Variants in RNF144A observed in about 807,000 individuals in gnomAD.
RNF144A encodes the protein ring finger protein 144A.
In RNF144A, 11 loss-of-function variants were observed where a neutral mutation model predicts 38.7. The ratio of observed to expected loss-of-function variants is 0.28; its 90% CI spans 0.18 to 0.47. RNF144A has a LOEUF of 0.47. Among genes scored for constraint, RNF144A ranks in the 20% least tolerant of loss-of-function variants. The pLI is 0.99. For missense variants in RNF144A, 316 were observed against 377.2 expected, an observed-to-expected ratio of 0.84 and a Z score of 1.34; for synonymous variants, 149 against 143.9, an observed-to-expected ratio of 1.04 and a Z score of -0.25.
intron 6 of RNF144A, among the ~76,000 whole-genome samples, chr2:7,054,319 T>C (rs1035131114): frequency 7.2e-5 from 11 of 152,198 alleles, no homozygotes; most frequent in African/African-American, 2.7e-4. Context: ...ATTCATATCA[T>C]ACATGCACAC....
chr2:6,981,660 C>T (rs2103363417), intron 2 of RNF144A, among the ~76,000 whole-genome samples: 1 of 152,288 alleles, frequency 6.6e-6, no homozygotes, highest in Middle Eastern at 3.4e-3. Flanking sequence ...AACCATTCAA[C>T]AAGTCTCTAG....
intron 2 of RNF144A, among the ~76,000 whole-genome samples, chr2:6,989,010 C>T (rs1035086913): frequency 2.0e-5 from 3 of 152,198 alleles, no homozygotes; most frequent in Non-Finnish European, 2.9e-5. Flanking sequence ...ACTCCAATGT[C>T]CTGCCCCAGT....
chr2:7,063,426 G>T (rs753704043), intron 6 of RNF144A, among the ~76,000 whole-genome samples: 5 of 152,150 alleles, frequency 3.3e-5, no homozygotes, highest in African/African-American at 4.8e-5. Flanking sequence ...GACAGGTCGA[G>T]CTTGATTTGC....
At chr2:7,062,994 A>T (rs1002449029) in intron 6 of RNF144A, 1 of 152,234 alleles carries the variant, frequency 6.6e-6, no homozygotes, top group African/African-American at 2.4e-5. Flanking sequence ...TGAGGAAAAA[A>T]AATGTTTGAC....
At position 7,039,767 on chromosome 2, in the gene RNF144A, C is replaced by G. The variant is rs368482595; in HGVS notation, c.*7C>G. On this transcript the variant is annotated 3_prime_UTR_variant, in exon 9 of 9. Coordinates refer to ENST00000320892, the MANE Select transcript of RNF144A (RefSeq NM_014746.6). ...CGACCCGTTACCCACCTAGAGGAAGCGCGATGCTGGAACACATCCCTGCCT... is the reference window on the plus strand; with the variant it reads ...CGACCCGTTACCCACCTAGAGGAAGGGCGATGCTGGAACACATCCCTGCCT... The G allele has an allele frequency of 8.7e-6, 14 of 1,612,226 alleles. No homozygotes were observed. Among genetic ancestry groups the G allele is most frequent in the Non-Finnish European group, 1.1e-5 (13 of 1,179,510 alleles).
chr2:7,068,631 C>T (rs1350740185), downstream of RNF144A, among the ~76,000 whole-genome samples: 1 of 152,156 alleles, frequency 6.6e-6, no homozygotes, highest in East Asian at 1.9e-4. Flanking sequence ...GCTGAAGATG[C>T]CAGCCCAAGG....
chr2:6,967,807 A>G (rs117989443), intron 2 of RNF144A, among the ~76,000 whole-genome samples: 7 of 151,048 alleles, frequency 4.6e-5, no homozygotes, highest in Non-Finnish European at 7.4e-5. Flanking sequence ...ACTTCCATAG[A>G]CTCCTTTTTT....
intron 3 of RNF144A, among the ~76,000 whole-genome samples, chr2:7,013,976 G>T (rs534717053): frequency 2.0e-5 from 3 of 152,340 alleles, no homozygotes; most frequent in South Asian, 4.1e-4. Context: ...ATTTGTGTAA[G>T]TTGGCAACTT....
In RNF144A at chr2:7,040,303, C is replaced by T. The variant is rs755440960; in HGVS notation, c.*543C>T. The T allele has an allele frequency of 3.0e-5, 30 of 985,520 alleles. No homozygotes were observed. The highest frequency in any genetic ancestry group is 3.5e-5 in the Non-Finnish European group (29 of 830,038). The allele number at this position is 985,520 out of a possible 1,614,324, so 61.0% of individuals were successfully genotyped here. A position where few individuals can be genotyped will look rare whatever the true frequency, so the allele number is the denominator to read the frequency against. On this transcript the variant is annotated 3_prime_UTR_variant, in exon 9 of 9. Transcript: ENST00000320892. ...ATCAACAAGGTGCATATAAACCATC[C>T]TATGCCTTTCTTGAAATGTGCATTT...
chr2:6,950,239 C>G (rs1666594161), intron 2 of RNF144A, among the ~76,000 whole-genome samples: 1 of 152,188 alleles, frequency 6.6e-6, no homozygotes, highest in Non-Finnish European at 1.5e-5. Flanking sequence ...CTAATCTTTC[C>G]TTGCTATTTT....
chr2:7,059,956 A>C (rs954864568), intron 6 of RNF144A, among the ~76,000 whole-genome samples: 2 of 152,256 alleles, frequency 1.3e-5, no homozygotes, highest in Non-Finnish European at 2.9e-5. Flanking sequence ...AACCCACATA[A>C]GGGCTTGTTT....
intron 8 of RNF144A, among the ~76,000 whole-genome samples, chr2:7,035,264 G>A (rs937687847): frequency 6.6e-6 from 1 of 152,130 alleles, no homozygotes; most frequent in Non-Finnish European, 1.5e-5. Flanking sequence ...TCTCTAAAGA[G>A]CCCAGGCCAC....
rs1003233357 is a variant in RNF144A at position 6,958,187 on chromosome 2, G to C, written c.-12+17040G>C. On this transcript the variant is annotated intron_variant, in intron 2 of 8. Coordinates refer to ENST00000320892, the MANE Select transcript of RNF144A (RefSeq NM_014746.6). The surrounding 1 kb of genome is among the most constrained non-coding windows in gnomAD (Gnocchi z 4.5). ...TGTCTCTTCCTGGAAGGTGGAACTT[G>C]ATCACCACTCTGCCTGGCCTCAGCA... is the stretch of plus-strand genomic sequence containing the variant. Among the ~76,000 whole-genome samples, 1 of 152,234 alleles carries C rather than the reference G, an allele frequency of 6.6e-6. No individual in the cohort carries two copies. The highest frequency in any genetic ancestry group is 1.5e-5 in the Non-Finnish European group (1 of 68,044).
intron 2 of RNF144A, among the ~76,000 whole-genome samples, chr2:6,957,548 A>T (rs1667086700): frequency 6.6e-6 from 1 of 152,158 alleles, no homozygotes; most frequent in South Asian, 2.1e-4. Flanking sequence ...CACTGCATAG[A>T]GGCTGCTGTG....
At chr2:7,030,024 C>T in intron 7 of RNF144A, 102 bp from the exon 8 acceptor site, 2 of 837,796 alleles carry the variant, frequency 2.4e-6, no homozygotes, top group South Asian at 3.0e-5. Context: ...CATGTCTCCA[C>T]TTATCATGAG....
chr2:7,058,457 A>T (rs563817134), intron 6 of RNF144A, among the ~76,000 whole-genome samples: 1 of 152,310 alleles, frequency 6.6e-6, no homozygotes, highest in South Asian at 2.1e-4. Flanking sequence ...ATTGAACATC[A>T]TAACTATCAT....
rs796872104 is a variant in RNF144A, at chr2:6,990,667, G to A, written c.-11-6249G>A. Among the ~76,000 whole-genome samples the A allele has an allele frequency of 8.6e-5, 13 of 151,802 alleles. 1 individual carries two copies. The highest frequency in any genetic ancestry group is 3.1e-4 in the African/African-American group (13 of 41,376). On this transcript the variant is annotated intron_variant, in intron 2 of 8. Transcript: ENST00000320892. ...AGTCCCAATGGGGGTTTGGGCTTCT[G>A]CATACAAATTTGCCAGGGGGGTAAA...
chr2:7,004,182 C>G (rs1213940605), intron 3 of RNF144A, among the ~76,000 whole-genome samples: 3 of 152,254 alleles, frequency 2.0e-5, no homozygotes, highest in Non-Finnish European at 4.4e-5. Context: ...CCCCACAACT[C>G]TATGCAGCTC....
chr2:6,955,220 G>A (rs1666925901), intron 2 of RNF144A, among the ~76,000 whole-genome samples: 1 of 152,188 alleles, frequency 6.6e-6, no homozygotes, highest in Non-Finnish European at 1.5e-5. Context: ...CAAAATTTGG[G>A]GAGTAGTTTT....
Sources: allele counts gnomAD v4.1 joint callset (sites outside exome capture counted in the v4.1 genomes callset), GRCh38; gene constraint gnomAD v4.1.1; non-coding constraint Gnocchi (gnomAD v3.1); transcripts MANE v1.5; gene names NCBI Gene and HGNC (gene_info 2026-07-23, HGNC 2026-07-21).